Variants in NKX2-1 observed in about 807,000 individuals in gnomAD.
The protein encoded by NKX2-1 is NK2 homeobox 1.
A neutral mutation model predicts 35.1 loss-of-function variants in NKX2-1; 9 were observed. That is an observed-to-expected ratio of 0.26 (90% confidence interval 0.15 to 0.45). The LOEUF (loss-of-function observed/expected upper bound fraction) is 0.45. NKX2-1 is among the 20% of genes least tolerant of loss of function. NKX2-1 has a pLI of 1.00. For synonymous variants in NKX2-1, 284 were observed against 269.9 expected, an observed-to-expected ratio of 1.05 and a Z score of -0.51; for missense variants, 509 against 589.1, an observed-to-expected ratio of 0.86 and a Z score of 1.41.
At position 36,517,681 on chromosome 14, in the gene NKX2-1, C is replaced by A. The variant is rs1881101507; in HGVS notation, c.803G>T (p.Gly268Val). The change falls in exon 3 of 3, where the codon GGC (glycine) becomes GTC (valine). Residue 268 changes from glycine (G) to valine (V), a missense_variant. Coordinates refer to ENST00000354822, the MANE Select transcript of NKX2-1 (RefSeq NM_001079668.3). ...QLQQDSGGGGGGGGTGCPQQQ... is the reference protein window; with the variant it reads ...QLQQDSGGGGVGGGTGCPQQQ... Reference sequence around the variant, plus strand: ...CTGCGGGCACCCGGTGCCCCCGCCGCCCCCGCCGCCGCCGCTGTCCTGCTG... The same window carrying A: ...CTGCGGGCACCCGGTGCCCCCGCCGACCCCGCCGCCGCCGCTGTCCTGCTG... 5.8e-6 allele frequency: 9 copies of A among 1,560,760 alleles called. No homozygotes were observed. The highest frequency in any genetic ancestry group is 7.8e-6 in the Non-Finnish European group (9 of 1,154,024).
In NKX2-1 at chr14:36,520,218, T is replaced by C. The variant is rs1881293442; in HGVS notation, c.-89A>G. On this transcript the variant is annotated 5_prime_UTR_variant, in exon 1 of 3. Coordinates refer to ENST00000354822, the MANE Select transcript of NKX2-1 (RefSeq NM_001079668.3). ...TGGGGCCGCACTGTTGGTCTACGTGTCTGTCAGTCTGTCTGCCTCTCTTCT... is the reference window on the plus strand; with the variant it reads ...TGGGGCCGCACTGTTGGTCTACGTGCCTGTCAGTCTGTCTGCCTCTCTTCT... 5 of 1,559,220 alleles carry C rather than the reference T, an allele frequency of 3.2e-6. No individual in the cohort carries two copies. The highest frequency in any genetic ancestry group is 1.4e-5 in the African/African-American group (1 of 73,618).
Position 36,517,618 on chromosome 14 carries a change from G to T in NKX2-1, c.866C>A (p.Ala289Glu). ...GCCGTCTTTCACCAGGACCGGCACC[G>T]CCACGCGTCGCGGCGACTGCTGCTG... ...QAQQQSPRRV[A>E]VPVLVKDGKP... The change falls in exon 3 of 3, where the codon GCG becomes GAG. Residue 289 changes from alanine to glutamate, a missense_variant. By Grantham distance (107) the Ala-to-Glu change is moderately radical. Around this residue, in one of 5 missense-constraint regions of NKX2-1, gnomAD observed 212 missense variants for 227.7 expected, o/e 0.93. Coordinates refer to ENST00000354822, the MANE Select transcript of NKX2-1 (RefSeq NM_001079668.3). 6.5e-7 allele frequency: 1 copy of T among 1,534,686 alleles called. No individual in the cohort carries two copies.
chr14:36,519,811 C>A (rs1566617324), intron 1 of NKX2-1: 8 of 1,393,664 alleles, frequency 5.7e-6, no homozygotes, highest in Non-Finnish European at 7.6e-6. Flanking sequence ...GGGGTACCAG[C>A]GGAGCGCGGG....
At chr14:36,519,984 G>A (rs529122651) in intron 1 of NKX2-1, 69 bp downstream of exon 1, 280 of 1,602,620 alleles carry the variant, frequency 1.7e-4, no homozygotes, top group Non-Finnish European at 1.6e-4. Context: ...TTTCCAATTC[G>A]GTCGGGGTTC....
intron 2 of NKX2-1, among the ~76,000 whole-genome samples, chr14:36,518,716 C>T (rs1347309362): frequency 1.3e-5 from 2 of 152,210 alleles, no homozygotes; most frequent in Non-Finnish European, 1.5e-5. Flanking sequence ...TCTTCTGCGC[C>T]GAGCAGAGCT....
Position 36,516,631 on chromosome 14 carries a change from ATTTAGTCCAACT to A in NKX2-1, c.*635_*646del, listed in dbSNP as rs1436593737. The A allele has an allele frequency of 8.6e-6, 2 of 232,346 alleles. No homozygotes were observed. The highest frequency in any genetic ancestry group is 8.5e-6 in the Non-Finnish European group (1 of 117,304). 14.4% of individuals were successfully genotyped at this position (232,346 alleles called of 1,614,324 possible). A position where few individuals can be genotyped will look rare whatever the true frequency, so the allele number is the denominator to read the frequency against. ...ATGTACAGATTACTAAAAACTAGGC[ATTTAGTCCAACT>A]TTTGACAGCGTTTTACAGCTACAAG... is the stretch of plus-strand genomic sequence containing the variant. On this transcript the variant is annotated 3_prime_UTR_variant, in exon 3 of 3. Transcript: ENST00000354822.
chr14:36,518,635 G>C (rs774891340), intron 2 of NKX2-1, among the ~76,000 whole-genome samples: 1 of 152,116 alleles, frequency 6.6e-6, no homozygotes, highest in African/African-American at 2.4e-5. Context: ...CTCCTGGCCC[G>C]GTCTAGCCTC....
At position 36,517,588 on chromosome 14, in the gene NKX2-1, G is replaced by C; in HGVS notation, c.896C>G (p.Pro299Arg). Residue 299 changes from proline (P) to arginine (R), a missense_variant, in exon 3 of 3, where the codon CCG becomes CGG. Coordinates refer to ENST00000354822, the MANE Select transcript of NKX2-1 (RefSeq NM_001079668.3). The part of the protein sequence containing the change: ...AVPVLVKDGK[P>R]CQAGAPAPGA... The stretch of plus-strand genomic sequence containing the variant: ...CGGCGCGGGGGCACCCGCCTGGCAC[G>C]GTTTGCCGTCTTTCACCAGGACCGG... 6.6e-7 allele frequency: 1 copy of C among 1,520,432 alleles called. No homozygotes were observed. The highest frequency in any genetic ancestry group is 8.8e-7 in the Non-Finnish European group (1 of 1,139,276). The allele number at this position is 1,520,432 out of a possible 1,614,324, so 94.2% of individuals were successfully genotyped here.
In NKX2-1 at chr14:36,519,083, C is replaced by T. The variant is rs756395940; in HGVS notation, c.365G>A (p.Gly122Asp). The stretch of plus-strand genomic sequence containing the variant: ...GTACGGCGGCAGCTCGCTCATGTTG[C>T]CCAGGTTGCCGTTGCAGTAGCCCCC... ...AVGGYCNGNL[G>D]NMSELPPYQD... is the part of the protein sequence containing the mutation. The change falls in exon 2 of 3, where the codon GGC (glycine) becomes GAC (aspartate). Residue 122 changes from glycine (G) to aspartate (D), a missense_variant. Gly to Asp is a moderately conservative substitution (Grantham distance 94, BLOSUM62 -1). Coordinates refer to ENST00000354822, the MANE Select transcript of NKX2-1 (RefSeq NM_001079668.3). 1.2e-6 allele frequency: 2 copies of T among 1,601,976 alleles called. No homozygotes were observed. The highest frequency in any genetic ancestry group is 1.1e-5 in the South Asian group (1 of 90,876).
chr14:36,517,422 T>C lies in NKX2-1; in HGVS notation c.1062A>G (p.Ala354=). Residue 354 remains alanine (A), a synonymous_variant, in exon 3 of 3, where the codon GCA becomes GCG. Coordinates refer to ENST00000354822, the MANE Select transcript of NKX2-1 (RefSeq NM_001079668.3). ...GAHPGHQPGS[A]GQSPDLAHHA... ...GGTGCGCCAGGTCCGGAGACTGGCC[T>C]GCGCTGCCTGGCTGGTGGCCCGGGT... is the stretch of plus-strand genomic sequence containing the variant. The C allele has an allele frequency of 6.4e-7, 1 of 1,559,480 alleles. No individual in the cohort carries two copies. The highest frequency in any genetic ancestry group is 2.4e-5 in the East Asian group (1 of 41,184).
rs763132470 is a variant in NKX2-1, at chr14:36,520,073, C to T, written c.57G>A (p.Arg19=). 2.5e-6 allele frequency: 4 copies of T among 1,612,716 alleles called. No individual in the cohort carries two copies. The highest frequency in any genetic ancestry group is 1.7e-5 in the Admixed American group (1 of 59,990). ...TTCACCTGAGCCTGCCGGGGCTGCT[C>T]CTCCCTCCCGCCGCGGCCTCCCAGC... is the stretch of plus-strand genomic sequence containing the variant. ...ARGWEAAAGG[R]SSPGRLSRRR... Residue 19 remains arginine, a synonymous_variant, in exon 1 of 3, where the codon AGG becomes AGA. Transcript: ENST00000354822.
chr14:36,520,031 A>T (rs2139414502), intron 1 of NKX2-1, 22 bp downstream of exon 1: 2 of 1,612,724 alleles, frequency 1.2e-6, no homozygotes, highest in Non-Finnish European at 1.7e-6. Context: ...GAGGGGGCTG[A>T]GGGACAGGGT....
chr14:36,517,261 G>A lies in NKX2-1; in HGVS notation c.*17C>T, dbSNP rs2139405091. 6.3e-7 allele frequency: 1 copy of A among 1,591,694 alleles called. No individual in the cohort carries two copies. The highest frequency in any genetic ancestry group is 8.5e-7 in the Non-Finnish European group (1 of 1,171,222). On this transcript the variant is annotated 3_prime_UTR_variant, in exon 3 of 3. Transcript: ENST00000354822. ...CGGTGAGGCAGAGCGCTGGGCTAGG[G>A]CCGGCCCGGCGTCCTCTCACCAGGT...
Position 36,519,276 on chromosome 14 carries a change from C to T in NKX2-1, c.172G>A (p.Gly58Ser), listed in dbSNP as rs1881226858. The T allele has an allele frequency of 2.5e-6, 4 of 1,612,580 alleles. No homozygotes were observed. The highest frequency in any genetic ancestry group is 3.4e-6 in the Non-Finnish European group (4 of 1,179,810). Residue 58 changes from glycine (G) to serine (S), a missense_variant, in exon 2 of 3, where the codon GGC (glycine) becomes AGC (serine). Gly to Ser is a moderately conservative substitution (Grantham distance 56, BLOSUM62 0). Coordinates refer to ENST00000354822, the MANE Select transcript of NKX2-1 (RefSeq NM_001079668.3). ...GCCCCGAGGCCGCCGCCCTCCATGC[C>T]CACTTTCTTGTAGCTTTCCTCCAGG... ...SPLEESYKKVGMEGGGLGAPL... is the reference protein window; with the variant it reads ...SPLEESYKKVSMEGGGLGAPL...
At position 36,516,599 on chromosome 14, in the gene NKX2-1, C is replaced by T. The variant is rs1881026455; in HGVS notation, c.*679G>A. 9.5e-6 allele frequency: 2 copies of T among 210,254 alleles called. No individual in the cohort carries two copies. 13.0% of individuals were successfully genotyped at this position (210,254 alleles called of 1,614,324 possible). ...GGACTGGGAGTGGTTTTTCTTTTTA[C>T]AACAAAATGTACAGATTACTAAAAA... On this transcript the variant is annotated 3_prime_UTR_variant, in exon 3 of 3. Coordinates refer to ENST00000354822, the MANE Select transcript of NKX2-1 (RefSeq NM_001079668.3).
rs1881062350 is a variant in NKX2-1 at position 36,517,182 on chromosome 14, C to G, written c.*96G>C. On this transcript the variant is annotated 3_prime_UTR_variant, in exon 3 of 3. Coordinates refer to ENST00000354822, the MANE Select transcript of NKX2-1 (RefSeq NM_001079668.3). ...ACGCGGCCAGGTTGTTAAGAAAAGT[C>G]GAAGCGCGTGGAGCAGCGGTGGATG... is the stretch of plus-strand genomic sequence containing the variant. 1 of 1,527,334 alleles carries G rather than the reference C, an allele frequency of 6.5e-7. No individual in the cohort carries two copies. The highest frequency in any genetic ancestry group is 8.8e-7 in the Non-Finnish European group (1 of 1,135,118). 94.6% of individuals were successfully genotyped at this position (1,527,334 alleles called of 1,614,324 possible).
chr14:36,519,539 G>A, intron 1 of NKX2-1, 169 bp from the exon 2 acceptor site: 2 of 1,535,028 alleles, frequency 1.3e-6, no homozygotes, highest in Non-Finnish European at 1.7e-6. Flanking sequence ...TTGAGTGGAG[G>A]CTCGGGGGCT....
chr14:36,519,786 A>C (rs1202996585), intron 1 of NKX2-1: 29 of 1,423,356 alleles, frequency 2.0e-5, no homozygotes, highest in Admixed American at 2.5e-5. Flanking sequence ...GGACACCCCC[A>C]CCCCCATTTT....
Position 36,517,444 on chromosome 14 carries a change from G to T in NKX2-1, c.1040C>A (p.Pro347Gln). 1 of 1,496,444 alleles carries T rather than the reference G, an allele frequency of 6.7e-7. No individual in the cohort carries two copies. The highest frequency in any genetic ancestry group is 8.9e-7 in the Non-Finnish European group (1 of 1,125,330). 92.7% of individuals were successfully genotyped at this position (1,496,444 alleles called of 1,614,324 possible). The change falls in exon 3 of 3, where the codon CCG (proline) becomes CAG (glutamine). Residue 347 changes from proline (P) to glutamine (Q), a missense_variant. Transcript: ENST00000354822. ...GCCTGCGCTGCCTGGCTGGTGGCCC[G>T]GGTGTGCGCCAAGGCCGGCGCCACC... is the stretch of plus-strand genomic sequence containing the variant. ...GSGGAGLGAH[P>Q]GHQPGSAGQS...
Sources: allele counts gnomAD v4.1 joint callset (sites outside exome capture counted in the v4.1 genomes callset), GRCh38; gene constraint gnomAD v4.1.1; regional missense constraint gnomAD v4.1.1; transcripts MANE v1.5; gene names NCBI Gene and HGNC (gene_info 2026-07-23, HGNC 2026-07-21).